The following LRFN2 variants were observed in gnomAD, a reference collection of about 807,000 sequenced individuals.
LRFN2 encodes the protein leucine rich repeat and fibronectin type III domain containing 2, also known as leucine-rich repeat and fibronectin type-III domain-containing protein 2.
In LRFN2, 18 loss-of-function variants were observed where a neutral mutation model predicts 37.3. The ratio of observed to expected loss-of-function variants is 0.48; its 90% confidence interval spans 0.33 to 0.72. LRFN2 has a LOEUF of 0.72. Among genes scored for constraint, LRFN2 ranks in the 30% least tolerant of loss-of-function variants. The probability of loss-of-function intolerance (pLI) is 0.02; values close to 1 mark genes in which losing one functional copy is unlikely to be tolerated. For synonymous variants in LRFN2, 556 were observed against 466.6 expected, an observed-to-expected ratio of 1.19 and a Z score of -2.47; for missense variants, 1,006 against 1,060.7, an observed-to-expected ratio of 0.95 and a Z score of 0.72.
intron 1 of LRFN2, among the ~76,000 whole-genome samples, chr6:40,573,551 G>C (rs897937208): frequency 3.9e-5 from 6 of 152,248 alleles, no homozygotes; most frequent in Non-Finnish European, 7.3e-5. Context: ...AGAGTGTCTA[G>C]AATGGCTTAG....
chr6:40,542,512 A>G (rs1337299085), intron 1 of LRFN2, among the ~76,000 whole-genome samples: 1 of 151,976 alleles, frequency 6.6e-6, no homozygotes, highest in African/African-American at 2.4e-5. Flanking sequence ...CCCAGCTTCA[A>G]TCAGCAGCCC....
At chr6:40,459,384 C>G (rs1009404755) in intron 1 of LRFN2, among the ~76,000 whole-genome samples, 3 of 152,160 alleles carry the variant, frequency 2.0e-5, no homozygotes, top group Non-Finnish European at 4.4e-5. Flanking sequence ...CAAGGGGTGA[C>G]CAAATAGAGT....
At chr6:40,580,387 T>G (rs988726747) in intron 1 of LRFN2, among the ~76,000 whole-genome samples, 2 of 152,038 alleles carry the variant, frequency 1.3e-5, no homozygotes, top group African/African-American at 4.8e-5. Context: ...GGTCACCCTT[T>G]GTCTGTGTGT....
intron 1 of LRFN2, among the ~76,000 whole-genome samples, chr6:40,501,469 T>TC (rs1403336805): frequency 2.0e-5 from 3 of 151,152 alleles, no homozygotes; most frequent in Non-Finnish European, 2.9e-5. Context: ...CAGGTGCCCA[T>TC]CACCGTGCCT....
chr6:40,485,101 T>C (rs1049879341), intron 1 of LRFN2, among the ~76,000 whole-genome samples: 14 of 152,332 alleles, frequency 9.2e-5, no homozygotes, highest in African/African-American at 3.4e-4. Context: ...CTCTTTGGTT[T>C]ATTATTCTAG....
Position 40,437,088 on chromosome 6 carries a change from G to C in LRFN2, c.-18-3957C>G, listed in dbSNP as rs535595989. Among the ~76,000 whole-genome samples the C allele has an allele frequency of 1.6e-4, 24 of 152,200 alleles. No homozygotes were observed. In the South Asian group the frequency reaches 2.9e-3, roughly 18 times the overall value. On this transcript the variant is annotated intron_variant, in intron 1 of 2. Transcript: ENST00000338305. ...TGAGCTCTTATCAGTAAATGCATCA[G>C]TGTTCTAAGGCTAAACAGCACTTCC...
intron 1 of LRFN2, among the ~76,000 whole-genome samples, chr6:40,550,682 C>T (rs1381229434): frequency 1.3e-5 from 2 of 151,144 alleles, no homozygotes; most frequent in Non-Finnish European, 3.0e-5. Flanking sequence ...GTTTTGTTTG[C>T]TTTTTTTTGC....
intron 1 of LRFN2, among the ~76,000 whole-genome samples, chr6:40,442,606 G>T (rs1356574477): frequency 6.6e-6 from 1 of 151,588 alleles, no homozygotes; most frequent in African/African-American, 2.4e-5. Context: ...GACAGGGCTG[G>T]GTCTCCTCTC....
intron 2 of LRFN2, among the ~76,000 whole-genome samples, chr6:40,409,015 T>A (rs1762905364): frequency 2.0e-5 from 3 of 152,204 alleles, no homozygotes; most frequent in Admixed American, 6.5e-5. Flanking sequence ...GAGAGCCCCC[T>A]CGGTAGCCAC....
At chr6:40,426,651 G>A (rs1763359826) in intron 2 of LRFN2, among the ~76,000 whole-genome samples, 1 of 152,174 alleles carries the variant, frequency 6.6e-6, no homozygotes, top group Admixed American at 6.5e-5. Flanking sequence ...GTGTCTATAT[G>A]TGTGCGTGTA....
chr6:40,519,408 C>T (rs551892408), intron 1 of LRFN2, among the ~76,000 whole-genome samples: 16 of 152,244 alleles, frequency 1.1e-4, no homozygotes, highest in South Asian at 1.0e-3. Flanking sequence ...AAGTTCCTCC[C>T]GTGAGGGGCA....
chr6:40,417,109 C>G (rs1305861922), intron 2 of LRFN2, among the ~76,000 whole-genome samples: 1 of 152,178 alleles, frequency 6.6e-6, no homozygotes, highest in African/African-American at 2.4e-5. Flanking sequence ...ACCCAGGAAT[C>G]TTCAAAGCCT....
intron 1 of LRFN2, among the ~76,000 whole-genome samples, chr6:40,486,378 G>A (rs1764958787): frequency 1.3e-5 from 2 of 152,210 alleles, no homozygotes; most frequent in South Asian, 2.1e-4. Flanking sequence ...TGTGCAATAA[G>A]AGCTGGATGC....
intron 1 of LRFN2, among the ~76,000 whole-genome samples, chr6:40,532,712 G>C (rs1581781859): frequency 6.6e-6 from 1 of 152,256 alleles, no homozygotes; most frequent in East Asian, 1.9e-4. Flanking sequence ...CACTTTTTCT[G>C]AACTTTTATT....
chr6:40,458,765 CA>C (rs1019690215), intron 1 of LRFN2, among the ~76,000 whole-genome samples: 68 of 152,288 alleles, frequency 4.5e-4, no homozygotes, highest in African/African-American at 1.5e-3. Context: ...CTTCTCTTTC[CA>C]ATTCCCAGGA....
chr6:40,575,907 A>G (rs1013150789), intron 1 of LRFN2, among the ~76,000 whole-genome samples: 15 of 152,236 alleles, frequency 9.9e-5, no homozygotes, highest in African/African-American at 3.4e-4. Flanking sequence ...AAAATGAAGT[A>G]ATAATACCTA....
At chr6:40,511,773 G>A (rs1013283271) in intron 1 of LRFN2, among the ~76,000 whole-genome samples, 3 of 152,232 alleles carry the variant, frequency 2.0e-5, no homozygotes, top group African/African-American at 7.2e-5. Context: ...GAGAGGGGAC[G>A]TGAGGGAGAA....
chr6:40,469,386 G>GT lies in LRFN2; in HGVS notation c.-18-36256_-18-36255insA, dbSNP rs79615231. 5.9e-3 allele frequency among the ~76,000 whole-genome samples: 854 copies of GT among 144,062 alleles called. 7 individuals carry two copies. The highest frequency in any genetic ancestry group is 0.028 in the Middle Eastern group (8 of 290). 94.5% of individuals were successfully genotyped at this position (144,062 alleles called of 152,430 possible). ...TCATTTGTTGCAGATGTCCCAGAAA[G>GT]CGATCCAACCATCATCTTTGGACAG... On this transcript the variant is annotated intron_variant, in intron 1 of 2. Coordinates refer to ENST00000338305, the MANE Select transcript of LRFN2 (RefSeq NM_020737.3).
chr6:40,542,385 T>C (rs1447704132), intron 1 of LRFN2, among the ~76,000 whole-genome samples: 1 of 151,722 alleles, frequency 6.6e-6, no homozygotes, highest in African/African-American at 2.4e-5. Flanking sequence ...GGAGGAGGGA[T>C]GAACTCAGGA....
Sources: allele counts gnomAD v4.1 joint callset (sites outside exome capture counted in the v4.1 genomes callset), GRCh38; gene constraint gnomAD v4.1.1; transcripts MANE v1.5; gene names NCBI Gene and HGNC (gene_info 2026-07-23, HGNC 2026-07-21).